Variants in OR8B2 observed in about 807,000 individuals in gnomAD.
OR8B2 encodes the protein olfactory receptor family 8 subfamily B member 2, also known as olfactory receptor 8B2.
For missense variants in OR8B2, 304 were observed against 379.6 expected, an observed-to-expected ratio of 0.80 and a Z score of 1.65; for synonymous variants, 98 against 138.2, an observed-to-expected ratio of 0.71 and a Z score of 2.04.
upstream of OR8B2, among the ~76,000 whole-genome samples, chr11:124,384,878 A>G (rs539107848): frequency 2.0e-5 from 3 of 152,238 alleles, no homozygotes; most frequent in Non-Finnish European, 4.4e-5. Context: ...GTAAACATAA[A>G]GATTGTCAGA....
At position 124,382,504 on chromosome 11, in the gene OR8B2, C is replaced by T. The variant is rs535785634; in HGVS notation, c.840G>A (p.Val280=). 6.2e-7 allele frequency: 1 copy of T among 1,613,942 alleles called. No individual in the cohort carries two copies. The highest frequency in any genetic ancestry group is 2.2e-5 in the East Asian group (1 of 44,876). The change falls in exon 2 of 2, where the codon GTG becomes GTA. Residue 280 remains valine (V), a synonymous_variant. Transcript: ENST00000641451. ...AGATGAGGGGATTGAGCATGGGCAC[C>T]ACATTAGTGTAGAAAACAGAAGAAA... is the stretch of plus-strand genomic sequence containing the variant. ...GKVSSVFYTN[V]VPMLNPLIYS...
chr11:124,387,292 C>G (rs1398498903), upstream of OR8B2, among the ~76,000 whole-genome samples: 2,463 of 151,936 alleles, frequency 0.016, 75 homozygotes, highest in African/African-American at 0.055. Flanking sequence ...TTTGGCTTTT[C>G]TTGCCATTGC....
At chr11:124,383,572 C>G (rs1860646090) in intron 1 of OR8B2, among the ~76,000 whole-genome samples, 1 of 152,182 alleles carries the variant, frequency 6.6e-6, no homozygotes, top group Admixed American at 6.5e-5. Context: ...TTGCTCCTGT[C>G]CTTACTAGAA....
the OR8B2 span, among the ~76,000 whole-genome samples, chr11:124,393,764 C>G: frequency 6.6e-6 from 1 of 151,694 alleles, no homozygotes; most frequent in African/African-American, 2.4e-5. Context: ...GGTATATACC[C>G]AAAGGACTAT....
upstream of OR8B2, among the ~76,000 whole-genome samples, chr11:124,384,774 G>A (rs1201420323): frequency 2.6e-5 from 4 of 152,178 alleles, no homozygotes; most frequent in Non-Finnish European, 5.9e-5. Context: ...TGTGTTTACA[G>A]CCTAACTTGT....
the OR8B2 span, among the ~76,000 whole-genome samples, chr11:124,394,491 G>A: frequency 6.6e-6 from 1 of 152,150 alleles, no homozygotes; most frequent in Non-Finnish European, 1.5e-5. Context: ...GAAAGTTCGG[G>A]TAGGAAAATC....
the OR8B2 span, chr11:124,396,981 A>C: frequency 1.1e-4 from 181 of 1,613,804 alleles, 2 homozygotes; most frequent in East Asian, 3.8e-3. Flanking sequence ...ACAGATGGCC[A>C]CATAGCGATC....
At chr11:124,386,407 C>A (rs867718062), upstream of OR8B2, among the ~76,000 whole-genome samples, 62 of 105,582 alleles carry the variant, frequency 5.9e-4, no homozygotes, top group African/African-American at 2.1e-3. Flanking sequence ...TCCCTCCCCC[C>A]TCCCCCCACC....
rs1860610152 is a variant in OR8B2 at position 124,382,574 on chromosome 11, A to C, written c.770T>G (p.Phe257Cys). 1.2e-6 allele frequency: 2 copies of C among 1,613,244 alleles called. No homozygotes were observed. Among genetic ancestry groups the C allele is most frequent in the Middle Eastern group, 1.7e-4 (1 of 6,048 alleles). Residue 257 changes from phenylalanine to cysteine, a missense_variant, in exon 2 of 2, where the codon TTC (phenylalanine) becomes TGC (cysteine). Transcript: ENST00000641451. ...TCCAGAAGAATATTTAATATACATG[A>C]ATGCCGCTGACCCAAAAAACAGAGA... ...ALSLFFGSAA[F>C]MYIKYSSGSM...
At chr11:124,394,281 A>G in the OR8B2 span, among the ~76,000 whole-genome samples, 2 of 151,290 alleles carry the variant, frequency 1.3e-5, no homozygotes, top group Non-Finnish European at 3.0e-5. Context: ...ATAAATAAAT[A>G]AATAAATAAA....
chr11:124,388,706 G>T (rs1343283602), upstream of OR8B2, among the ~76,000 whole-genome samples: 5 of 151,928 alleles, frequency 3.3e-5, no homozygotes, highest in Non-Finnish European at 7.4e-5. Context: ...TAATTACTGT[G>T]AACACAGAAA....
chr11:124,392,821 G>A, the OR8B2 span, among the ~76,000 whole-genome samples: 3,137 of 134,948 alleles, frequency 0.023, 37 homozygotes, highest in African/African-American at 0.099. Context: ...TCCTAAGCCA[G>A]AAGAACAAAG....
intron 1 of OR8B2, among the ~76,000 whole-genome samples, chr11:124,383,612 G>A (rs1353755344): frequency 6.6e-6 from 1 of 152,118 alleles, no homozygotes; most frequent in Non-Finnish European, 1.5e-5. Context: ...TGAGGCACAG[G>A]CCTACCTGCT....
chr11:124,383,243 A>T lies in OR8B2; in HGVS notation c.101T>A (p.Ile34Asn), dbSNP rs1339403265. The T allele has an allele frequency of 6.2e-7, 1 of 1,614,010 alleles. No homozygotes were observed. Among genetic ancestry groups the T allele is most frequent in the Non-Finnish European group, 8.5e-7 (1 of 1,179,860 alleles). The change falls in exon 2 of 2, where the codon ATC becomes AAC. Residue 34 changes from isoleucine (I) to asparagine (N), a missense_variant. Ile to Asn is a moderately radical substitution (Grantham distance 149). Transcript: ENST00000641451. ...GTTGCCTACCATGGTGACAATGTAG[A>T]TCACTAGAAACAGGAAAAAGAGGGG... is the stretch of plus-strand genomic sequence containing the variant. The part of the protein sequence containing the change: ...RQPLFFLFLV[I>N]YIVTMVGNLG...
chr11:124,388,727 C>T (rs1373982518), upstream of OR8B2, among the ~76,000 whole-genome samples: 1 of 152,082 alleles, frequency 6.6e-6, no homozygotes, highest in Non-Finnish European at 1.5e-5. Flanking sequence ...GTAGGCCCTG[C>T]CCATAGGATT....
chr11:124,388,844 T>C (rs78167137), upstream of OR8B2, among the ~76,000 whole-genome samples: 1 of 150,108 alleles, frequency 6.7e-6, no homozygotes, highest in Non-Finnish European at 1.5e-5. Flanking sequence ...TTTTTTTTTT[T>C]TGAGATGGAG....
At chr11:124,391,881 A>G in the OR8B2 span, among the ~76,000 whole-genome samples, 4 of 149,166 alleles carry the variant, frequency 2.7e-5, no homozygotes, top group Non-Finnish European at 5.9e-5. Flanking sequence ...CTGGCAAACC[A>G]AATCCAGCAG....
At chr11:124,385,518 G>C (rs202247679), upstream of OR8B2, among the ~76,000 whole-genome samples, 5 of 114,184 alleles carry the variant, frequency 4.4e-5, no homozygotes, top group Admixed American at 2.8e-4. Context: ...GTGTGTGTGT[G>C]TGTGTCTGTG....
chr11:124,391,649 C>A, the OR8B2 span, among the ~76,000 whole-genome samples: 1 of 152,060 alleles, frequency 6.6e-6, no homozygotes, highest in Non-Finnish European at 1.5e-5. Context: ...GAGTCCAGGA[C>A]CAGATGGATT....
Sources: allele counts gnomAD v4.1 joint callset (sites outside exome capture counted in the v4.1 genomes callset), GRCh38; gene constraint gnomAD v4.1.1; transcripts MANE v1.5; gene names NCBI Gene and HGNC (gene_info 2026-07-23, HGNC 2026-07-21).